GRIA4: variants seen among roughly 807,000 people sequenced by gnomAD.
GRIA4 encodes the protein glutamate receptor 4.
In GRIA4, 34 loss-of-function variants were observed where a neutral mutation model predicts 104.0. The observed-to-expected ratio is 0.33, with a 90% CI of 0.25 to 0.44. The LOEUF is 0.44. Ranked by LOEUF, GRIA4 falls within the 20% of genes least tolerant of loss-of-function variation. The pLI is 1.00. For missense variants in GRIA4, 750 were observed against 1,096.5 expected, an observed-to-expected ratio of 0.68 and a Z score of 4.46; for synonymous variants, 386 against 381.9, an observed-to-expected ratio of 1.01 and a Z score of -0.13.
At chr11:105,800,386 A>C (rs1169803898) in intron 4 of GRIA4, among the ~76,000 whole-genome samples, 1 of 152,066 alleles carries the variant, frequency 6.6e-6, no homozygotes, top group Non-Finnish European at 1.5e-5. Context: ...CTTCTTTATA[A>C]TTAGAATGAG....
intron 4 of GRIA4, among the ~76,000 whole-genome samples, chr11:105,823,554 T>C (rs1028282866): frequency 1.3e-5 from 2 of 152,050 alleles, no homozygotes; most frequent in Non-Finnish European, 2.9e-5. Flanking sequence ...TGGTGTGGCA[T>C]TATCCCAAGA....
intron 3 of GRIA4, among the ~76,000 whole-genome samples, chr11:105,747,312 A>C (rs375268016): frequency 6.6e-6 from 1 of 152,226 alleles, no homozygotes; most frequent in South Asian, 2.1e-4. Context: ...TCAAAATTAC[A>C]AAACAAATAT....
chr11:105,751,980 A>T (rs1388246517), intron 3 of GRIA4, among the ~76,000 whole-genome samples: 4 of 152,242 alleles, frequency 2.6e-5, no homozygotes, highest in Non-Finnish European at 4.4e-5. Flanking sequence ...GCCATACATG[A>T]TAAACCATAA....
At chr11:105,777,512 A>G (rs1306991076) in intron 4 of GRIA4, among the ~76,000 whole-genome samples, 5 of 152,200 alleles carry the variant, frequency 3.3e-5, no homozygotes, top group East Asian at 3.8e-4. Context: ...AGCTATAATC[A>G]TCTTATTAAA....
chr11:105,858,555 T>C (rs1203729306), intron 4 of GRIA4, among the ~76,000 whole-genome samples: 1 of 152,162 alleles, frequency 6.6e-6, no homozygotes, highest in East Asian at 1.9e-4. Context: ...TACAATAAAT[T>C]ATTGTTGACT....
chr11:105,893,716 G>C (rs944704155), intron 6 of GRIA4, among the ~76,000 whole-genome samples: 1 of 152,176 alleles, frequency 6.6e-6, no homozygotes, highest in African/African-American at 2.4e-5. Flanking sequence ...AGGTTTGGCA[G>C]ACCTTCTATT....
chr11:105,672,357 C>G (rs1273121122), intron 3 of GRIA4, among the ~76,000 whole-genome samples: 3 of 152,038 alleles, frequency 2.0e-5, no homozygotes, highest in Non-Finnish European at 2.9e-5. Context: ...AAAGCATATT[C>G]AATCATATCC....
intron 4 of GRIA4, among the ~76,000 whole-genome samples, chr11:105,793,817 C>T (rs912200168): frequency 6.6e-6 from 1 of 151,946 alleles, no homozygotes; most frequent in Non-Finnish European, 1.5e-5. Context: ...ATGCTATACA[C>T]AGGCAGAGAA....
chr11:105,701,372 G>T (rs1398030914), intron 3 of GRIA4, among the ~76,000 whole-genome samples: 1 of 152,152 alleles, frequency 6.6e-6, no homozygotes, highest in Non-Finnish European at 1.5e-5. Flanking sequence ...GATGATATGG[G>T]ATAGGATATG....
Position 105,798,067 on chromosome 11 carries a change from T to C in GRIA4, c.487+44847T>C, listed in dbSNP as rs924827626. On this transcript the variant is annotated intron_variant, in intron 4 of 16. Coordinates refer to ENST00000282499, the MANE Select transcript of GRIA4 (RefSeq NM_000829.4). Reference sequence around the variant, plus strand: ...TAAAATCAATAACAATATGCATATATATAAAACCACACATAGACATAAACA... The same window carrying C: ...TAAAATCAATAACAATATGCATATACATAAAACCACACATAGACATAAACA... Among the ~76,000 whole-genome samples the C allele has an allele frequency of 2.6e-5, 4 of 151,976 alleles. No individual in the cohort carries two copies. In the East Asian group the frequency reaches 5.8e-4, roughly 22 times the overall value.
chr11:105,933,398 T>A (rs1193839825), intron 13 of GRIA4, among the ~76,000 whole-genome samples: 2 of 152,130 alleles, frequency 1.3e-5, no homozygotes, highest in Non-Finnish European at 2.9e-5. Flanking sequence ...AATGTTCAAG[T>A]CTCTTCATGG....
At chr11:105,755,763 A>G (rs771384224) in intron 4 of GRIA4, among the ~76,000 whole-genome samples, 1 of 152,204 alleles carries the variant, frequency 6.6e-6, no homozygotes, top group Non-Finnish European at 1.5e-5. Context: ...AGGCCTAAAT[A>G]GAACAAAAAT....
intron 5 of GRIA4, among the ~76,000 whole-genome samples, chr11:105,867,861 T>C (rs1006423808): frequency 6.6e-6 from 1 of 152,158 alleles, no homozygotes; most frequent in Non-Finnish European, 1.5e-5. Context: ...TTCAGTGGCA[T>C]ACACTCTGAC....
chr11:105,668,271 C>T (rs1193976335), intron 3 of GRIA4, among the ~76,000 whole-genome samples: 1 of 122,640 alleles, frequency 8.2e-6, no homozygotes, highest in South Asian at 2.5e-4. Flanking sequence ...TCGACATTTT[C>T]TAAGAGGGTA....
chr11:105,838,976 G>A (rs1405345089), intron 4 of GRIA4, among the ~76,000 whole-genome samples: 2 of 152,054 alleles, frequency 1.3e-5, no homozygotes, highest in African/African-American at 2.4e-5. Context: ...TCTGGATCTT[G>A]CCACCCACTC....
At chr11:105,956,398 G>A (rs369056469) in intron 14 of GRIA4, among the ~76,000 whole-genome samples, 1 of 152,066 alleles carries the variant, frequency 6.6e-6, no homozygotes, top group South Asian at 2.1e-4. Context: ...CCAGAATGAT[G>A]GATTCCAGCT....
chr11:105,848,776 A>C (rs1209970284), intron 4 of GRIA4, among the ~76,000 whole-genome samples: 1 of 152,158 alleles, frequency 6.6e-6, no homozygotes, highest in Non-Finnish European at 1.5e-5. Flanking sequence ...AAGAGCAGGG[A>C]GTCTTCACCA....
At chr11:105,851,512 A>C (rs1415452817) in intron 4 of GRIA4, among the ~76,000 whole-genome samples, 4 of 152,178 alleles carry the variant, frequency 2.6e-5, no homozygotes, top group Non-Finnish European at 5.9e-5. Context: ...GTAAAGAAAA[A>C]AGACAACAAC....
chr11:105,895,341 G>C (rs932366967), intron 6 of GRIA4, among the ~76,000 whole-genome samples: 1 of 150,752 alleles, frequency 6.6e-6, no homozygotes, highest in Admixed American at 6.6e-5. Flanking sequence ...TCCTTAATAG[G>C]CTTTTTGCTC....
Sources: gnomAD v4.1 joint callset for allele counts (sites outside exome capture counted in the v4.1 genomes callset) on GRCh38, gnomAD v4.1.1 for gene constraint, MANE v1.5 for transcripts, NCBI Gene and HGNC (gene_info 2026-07-23, HGNC 2026-07-21) for gene names.